Variants in CSMD1 observed in about 807,000 individuals in gnomAD.
CSMD1 encodes the protein CUB and Sushi multiple domains 1.
In CSMD1, 213 loss-of-function variants were observed where a neutral mutation model predicts 417.5. The ratio of observed to expected loss-of-function variants is 0.51; its 90% CI spans 0.46 to 0.57. CSMD1 has a LOEUF of 0.57. Among genes scored for constraint, CSMD1 ranks in the 20% least tolerant of loss-of-function variants. CSMD1 has a pLI of 0.00. For synonymous variants in CSMD1, 2,862 were observed against 1,736.8 expected (o/e 1.65, Z -16.11); for missense variants, 6,923 against 4,529.7 (o/e 1.53, Z -15.17).
chr8:4,323,378 G>T (rs2128885586), intron 3 of CSMD1, among the ~76,000 whole-genome samples: 1 of 152,282 alleles, frequency 6.6e-6, no homozygotes, highest in South Asian at 2.1e-4. Context: ...TTCCTGTACA[G>T]CATGGCCTTC....
intron 23 of CSMD1, among the ~76,000 whole-genome samples, chr8:3,322,076 A>G (rs903115127): frequency 6.6e-6 from 1 of 152,214 alleles, no homozygotes; most frequent in Non-Finnish European, 1.5e-5. Context: ...ATTATTTTAC[A>G]TAATATATGA....
At chr8:4,111,152 T>C (rs1364592116) in intron 3 of CSMD1, among the ~76,000 whole-genome samples, 1 of 152,178 alleles carries the variant, frequency 6.6e-6, no homozygotes, top group Non-Finnish European at 1.5e-5. Flanking sequence ...ACTCTAATGA[T>C]TTCGGACAGA....
At chr8:4,789,456 C>T (rs543151569) in intron 1 of CSMD1, among the ~76,000 whole-genome samples, 60 of 152,218 alleles carry the variant, frequency 3.9e-4, no homozygotes, top group Non-Finnish European at 6.9e-4. Context: ...TACAAAATAA[C>T]GCATTTAAAC....
intron 2 of CSMD1, among the ~76,000 whole-genome samples, chr8:4,635,093 T>C (rs1430101263): frequency 6.6e-6 from 1 of 152,196 alleles, no homozygotes; most frequent in African/African-American, 2.4e-5. Context: ...CATATTTTTC[T>C]CTATTTCAAA....
intron 37 of CSMD1, among the ~76,000 whole-genome samples, chr8:3,174,023 G>A (rs754912124): frequency 1.3e-5 from 2 of 152,076 alleles, no homozygotes; most frequent in Admixed American, 1.3e-4. Context: ...TTTGAGATGA[G>A]GAAATGAAAT....
chr8:4,858,508 A>G (rs1435306723), intron 1 of CSMD1, among the ~76,000 whole-genome samples: 2 of 152,016 alleles, frequency 1.3e-5, no homozygotes, highest in Non-Finnish European at 2.9e-5. Flanking sequence ...TTGTATATCC[A>G]GAAAACCCCA....
At chr8:4,307,542 C>T (rs775613214) in intron 3 of CSMD1, among the ~76,000 whole-genome samples, 1 of 152,156 alleles carries the variant, frequency 6.6e-6, no homozygotes, top group South Asian at 2.1e-4. Context: ...CAAGTAATAG[C>T]ATATTTTAAA....
At chr8:4,953,556 T>G (rs899339547) in intron 1 of CSMD1, among the ~76,000 whole-genome samples, 6 of 152,182 alleles carry the variant, frequency 3.9e-5, no homozygotes, top group Non-Finnish European at 5.9e-5. Flanking sequence ...TATCTCAATT[T>G]GTTTCTCACT....
chr8:2,969,807 G>A lies in CSMD1; in HGVS notation c.8924-3061C>T, dbSNP rs113731440. 2.1e-3 allele frequency among the ~76,000 whole-genome samples: 325 copies of A among 152,102 alleles called. 1 individual carries two copies. Among genetic ancestry groups the A allele is most frequent in the African/African-American group, 7.5e-3 (312 of 41,532 alleles). On this transcript the variant is annotated intron_variant, in intron 57 of 69. Coordinates refer to ENST00000635120, the MANE Select transcript of CSMD1 (RefSeq NM_033225.6). ...CCAAAATGTATTTCAAATTTTTGCT[G>A]GTGTGTGTGTGTTCAGTCACTGATT...
chr8:3,373,859 G>A (rs1375711304), intron 18 of CSMD1: 1 of 152,070 alleles, frequency 6.6e-6, no homozygotes, highest in South Asian at 2.1e-4. Flanking sequence ...TCTTTTGGAT[G>A]GAGGACTAAG....
At chr8:3,291,683 C>T (rs1443499134) in intron 25 of CSMD1, among the ~76,000 whole-genome samples, 1 of 152,006 alleles carries the variant, frequency 6.6e-6, no homozygotes, top group Non-Finnish European at 1.5e-5. Context: ...TTACCTTTAT[C>T]ATTTTTTATT....
intron 3 of CSMD1, among the ~76,000 whole-genome samples, chr8:4,370,928 A>T (rs1319289832): frequency 6.6e-6 from 1 of 152,200 alleles, no homozygotes; most frequent in African/African-American, 2.4e-5. Context: ...GACACACTTC[A>T]GCCATTTCAG....
intron 5 of CSMD1, among the ~76,000 whole-genome samples, chr8:3,915,749 T>A (rs1257930284): frequency 6.7e-6 from 1 of 150,274 alleles, no homozygotes; most frequent in East Asian, 1.9e-4. Context: ...AATTATGAAC[T>A]CTCTCGCTTT....
intron 49 of CSMD1, among the ~76,000 whole-genome samples, chr8:3,063,320 T>A (rs149351167): frequency 6.6e-6 from 1 of 152,020 alleles, no homozygotes; most frequent in Non-Finnish European, 1.5e-5. Flanking sequence ...AAAATAAGAA[T>A]AAAAACGATA....
At chr8:3,836,176 A>C (rs910766613) in intron 5 of CSMD1, among the ~76,000 whole-genome samples, 3 of 152,136 alleles carry the variant, frequency 2.0e-5, no homozygotes, top group Non-Finnish European at 2.9e-5. Context: ...TCAGTTTATT[A>C]TAGATTTTTC....
At chr8:4,687,094 A>C (rs1380841679) in intron 1 of CSMD1, among the ~76,000 whole-genome samples, 1 of 152,174 alleles carries the variant, frequency 6.6e-6, no homozygotes, top group Admixed American at 6.5e-5. Flanking sequence ...GTGCAGGCTA[A>C]CTCTGTGGTC....
chr8:4,943,277 C>T (rs917198287), intron 1 of CSMD1, among the ~76,000 whole-genome samples: 5 of 152,018 alleles, frequency 3.3e-5, no homozygotes, highest in Non-Finnish European at 7.4e-5. Context: ...GGGCAGATCA[C>T]GAGGTCAGGA....
chr8:4,157,448 C>T (rs951169416), intron 3 of CSMD1, among the ~76,000 whole-genome samples: 3 of 152,092 alleles, frequency 2.0e-5, no homozygotes, highest in African/African-American at 7.2e-5. Context: ...CCCCTACCTC[C>T]TTCCCTCCCT....
chr8:4,821,151 G>C (rs536034456), intron 1 of CSMD1, among the ~76,000 whole-genome samples: 2 of 152,150 alleles, frequency 1.3e-5, no homozygotes, highest in African/African-American at 2.4e-5. Flanking sequence ...ACTTCTCTGA[G>C]TCACAGATCC....
Sources: gnomAD v4.1 joint callset for allele counts (sites outside exome capture counted in the v4.1 genomes callset) on GRCh38, gnomAD v4.1.1 for gene constraint, MANE v1.5 for transcripts, NCBI Gene and HGNC (gene_info 2026-07-23, HGNC 2026-07-21) for gene names.